The following TGIF2 variants were observed in gnomAD, a reference collection of about 807,000 sequenced individuals.
TGIF2 encodes the protein TGFB induced factor homeobox 2.
TGIF2 carries 5 observed loss-of-function variants against 15.1 expected under a neutral mutation model. That is an observed-to-expected ratio of 0.33 (90% CI 0.17 to 0.70). TGIF2 has a LOEUF of 0.70. Ranked by LOEUF, TGIF2 falls within the 30% of genes least tolerant of loss-of-function variation. The pLI is 0.67. For synonymous variants in TGIF2, 131 were observed against 128.9 expected (o/e 1.02, Z -0.11); for missense variants, 264 against 302.5 (o/e 0.87, Z 0.94).
intron 2 of TGIF2, among the ~76,000 whole-genome samples, chr20:36,579,921 G>A (rs749064067): frequency 6.6e-6 from 1 of 152,106 alleles, no homozygotes; most frequent in African/African-American, 2.4e-5. Context: ...TTTGAATCGC[G>A]CCTATTGCTG....
rs377713562 is a variant in TGIF2 at position 36,591,368 on chromosome 20, G to A, written c.651G>A (p.Gln217=). 86 of 1,614,096 alleles carry A rather than the reference G, an allele frequency of 5.3e-5. No homozygotes were observed. The highest frequency in any genetic ancestry group is 7.1e-5 in the Non-Finnish European group (84 of 1,180,040). Residue 217 remains glutamine, a synonymous_variant, in exon 3 of 3, where the codon CAG becomes CAA. Coordinates refer to ENST00000373872, the MANE Select transcript of TGIF2 (RefSeq NM_021809.7). This position sits in a 1 kb window ranked among gnomAD's most constrained non-coding sequence, Gnocchi z 5.3. The part of the protein sequence containing the change: ...QRAAEMELQK[Q]QDPSLPLLHT... ...CTGCTGAGATGGAGCTTCAGAAGCA[G>A]CAGGACCCATCACTCCCATTACTGC...
rs943730712 is a variant in TGIF2 at position 36,592,404 on chromosome 20, T to C, written c.*973T>C. ...CGATGGATTTTTTTTTTCTTTTTTTTCTTTAGTGTTTTTCCCTTTGTTCTT... is the reference window on the plus strand; with the variant it reads ...CGATGGATTTTTTTTTTCTTTTTTTCCTTTAGTGTTTTTCCCTTTGTTCTT... On this transcript the variant is annotated 3_prime_UTR_variant, in exon 3 of 3. Coordinates refer to ENST00000373872, the MANE Select transcript of TGIF2 (RefSeq NM_021809.7). 2 of 152,208 alleles carry C rather than the reference T, an allele frequency of 1.3e-5. No individual in the cohort carries two copies. Among genetic ancestry groups the C allele is most frequent in the Non-Finnish European group, 2.9e-5 (2 of 68,036 alleles). 9.4% of individuals were successfully genotyped at this position (152,208 alleles called of 1,614,324 possible). A position where few individuals can be genotyped will look rare whatever the true frequency, so the allele number is the denominator to read the frequency against.
chr20:36,591,573 A>G lies in TGIF2; in HGVS notation c.*142A>G. The G allele has an allele frequency of 5.2e-6, 5 of 959,658 alleles. No individual in the cohort carries two copies. Among genetic ancestry groups the G allele is most frequent in the Non-Finnish European group, 7.7e-6 (5 of 650,316 alleles). 59.4% of individuals were successfully genotyped at this position (959,658 alleles called of 1,614,324 possible). ...CTGTCCAGAGGTCTTCAACAGGAAGATGCCAGCTGGCACCACTGCACTGTG... is the reference window on the plus strand; with the variant it reads ...CTGTCCAGAGGTCTTCAACAGGAAGGTGCCAGCTGGCACCACTGCACTGTG... On this transcript the variant is annotated 3_prime_UTR_variant, in exon 3 of 3. Transcript: ENST00000373872. The surrounding 1 kb of genome is among the most constrained non-coding windows in gnomAD (Gnocchi z 5.3).
chr20:36,575,960 C>T (rs144147933), intron 1 of TGIF2, among the ~76,000 whole-genome samples: 2,679 of 151,926 alleles, frequency 0.018, 80 homozygotes, highest in African/African-American at 0.059. Context: ...GATGTGGTGG[C>T]ACACACCTGT....
At chr20:36,587,790 C>T (rs929350872) in intron 2 of TGIF2, among the ~76,000 whole-genome samples, 8 of 152,078 alleles carry the variant, frequency 5.3e-5, no homozygotes, top group Non-Finnish European at 7.4e-5. Context: ...TGAGGCCAGG[C>T]GTGGTGGCTC....
At chr20:36,582,631 G>T (rs533900057) in intron 2 of TGIF2, among the ~76,000 whole-genome samples, 1 of 152,216 alleles carries the variant, frequency 6.6e-6, no homozygotes, top group Non-Finnish European at 1.5e-5. Flanking sequence ...ACCCCTCAAG[G>T]TGACACATCC....
intron 2 of TGIF2, among the ~76,000 whole-genome samples, chr20:36,588,325 T>C (rs1458866652): frequency 6.6e-6 from 1 of 150,662 alleles, no homozygotes; most frequent in Non-Finnish European, 1.5e-5. Flanking sequence ...TTCCCTTCCT[T>C]CATCCCACCT....
In TGIF2 at chr20:36,578,840, G is replaced by A. The variant is rs770991437; in HGVS notation, c.66G>A (p.Arg22=). 1.9e-6 allele frequency: 3 copies of A among 1,614,166 alleles called. No homozygotes were observed. The highest frequency in any genetic ancestry group is 2.5e-6 in the Non-Finnish European group (3 of 1,180,020). The stretch of plus-strand genomic sequence containing the variant: ...CCCTGGCGGGCAAAAGGAAGCGCAG[G>A]GGGAACCTGCCCAAGGAGTCGGTGA... ...LLSLAGKRKR[R]GNLPKESVKI... The change falls in exon 2 of 3, where the codon AGG becomes AGA. Residue 22 remains arginine, a synonymous_variant. Coordinates refer to ENST00000373872, the MANE Select transcript of TGIF2 (RefSeq NM_021809.7).
chr20:36,583,851 T>C (rs887103325), intron 2 of TGIF2, among the ~76,000 whole-genome samples: 1 of 151,918 alleles, frequency 6.6e-6, no homozygotes, highest in Non-Finnish European at 1.5e-5. Flanking sequence ...GAGCCGAGAC[T>C]GAGCCACCGC....
chr20:36,581,136 C>T lies in TGIF2; in HGVS notation c.192+2170C>T, dbSNP rs189901295. Among the ~76,000 whole-genome samples the T allele has an allele frequency of 3.5e-3, 526 of 152,128 alleles. 2 individuals carry two copies. The highest frequency in any genetic ancestry group is 0.01 in the African/African-American group (420 of 41,520). On this transcript the variant is annotated intron_variant, in intron 2 of 2. Coordinates refer to ENST00000373872, the MANE Select transcript of TGIF2 (RefSeq NM_021809.7). ...GAACAAGACTCGGTCTCAAAAAAAA[C>T]ACCTACTGGTCAGTGTTTGGCATAC...
chr20:36,579,016 T>C (rs928757433), intron 2 of TGIF2, 50 bp downstream of exon 2: 1 of 1,580,778 alleles, frequency 6.3e-7, no homozygotes, highest in Non-Finnish European at 8.6e-7. Context: ...TGGGTTCTAG[T>C]CCTATTCCAG....
intron 2 of TGIF2, among the ~76,000 whole-genome samples, chr20:36,582,284 G>A (rs577811483): frequency 1.9e-3 from 287 of 151,982 alleles, no homozygotes; most frequent in Middle Eastern, 6.8e-3. Flanking sequence ...CCATCTCCCC[G>A]CAAGATGTTA....
At chr20:36,586,817 T>C (rs2038669714) in intron 2 of TGIF2, among the ~76,000 whole-genome samples, 1 of 151,642 alleles carries the variant, frequency 6.6e-6, no homozygotes, top group South Asian at 2.1e-4. Context: ...GAAAGGCGCC[T>C]CAGTGCCTTT....
rs189643676 is a variant in TGIF2 at position 36,590,889 on chromosome 20, G to A, written c.193-21G>A. ...CTGTTTTAGATTAAGCAAATTGATC[G>A]GTCTTGTATATTCATTCCAGATATG... On this transcript the variant is annotated intron_variant, in intron 2 of 2. Coordinates refer to ENST00000373872, the MANE Select transcript of TGIF2 (RefSeq NM_021809.7). The A allele has an allele frequency of 1.1e-4, 161 of 1,502,858 alleles. 1 individual carries two copies. In the Middle Eastern group the frequency reaches 1.1e-3, roughly 10 times the overall value. 93.1% of individuals were successfully genotyped at this position (1,502,858 alleles called of 1,614,324 possible).
chr20:36,576,720 TA>T (rs953955173), intron 1 of TGIF2, among the ~76,000 whole-genome samples: 5 of 152,082 alleles, frequency 3.3e-5, no homozygotes, highest in South Asian at 2.1e-4. Context: ...TGCGGGGGGA[TA>T]GGGGGACAGG....
chr20:36,587,036 A>C (rs1347783940), intron 2 of TGIF2, among the ~76,000 whole-genome samples: 1 of 152,162 alleles, frequency 6.6e-6, no homozygotes, highest in African/African-American at 2.4e-5. Context: ...TGCCATATAC[A>C]TCACAGAGTT....
At chr20:36,586,299 G>T (rs946225710) in intron 2 of TGIF2, among the ~76,000 whole-genome samples, 1 of 152,152 alleles carries the variant, frequency 6.6e-6, no homozygotes, top group Non-Finnish European at 1.5e-5. Flanking sequence ...AAGCCTGGGC[G>T]GCCAGACTTT....
intron 1 of TGIF2, among the ~76,000 whole-genome samples, chr20:36,576,104 A>G (rs1490964760): frequency 1.3e-5 from 2 of 148,196 alleles, no homozygotes; most frequent in African/African-American, 2.6e-5. Context: ...AAAAAAAAAA[A>G]GAAAGAAAGA....
intron 1 of TGIF2, among the ~76,000 whole-genome samples, chr20:36,575,893 G>C (rs1444989289): frequency 6.6e-6 from 1 of 151,776 alleles, no homozygotes; most frequent in Non-Finnish European, 1.5e-5. Context: ...AGGAGTTCAA[G>C]ACTAGCCTGG....
Sources: gnomAD v4.1 joint callset for allele counts (sites outside exome capture counted in the v4.1 genomes callset) on GRCh38, gnomAD v4.1.1 for gene constraint, Gnocchi (gnomAD v3.1) non-coding constraint, MANE v1.5 for transcripts, NCBI Gene and HGNC (gene_info 2026-07-23, HGNC 2026-07-21) for gene names.